Variants in XIRP2 observed in about 807,000 individuals in gnomAD.
XIRP2 encodes xin actin binding repeat containing 2.
Under a neutral mutation model 277.0 loss-of-function variants are expected in XIRP2, and 236 were observed. That is an observed-to-expected ratio of 0.85 (90% CI 0.77 to 0.95). The LOEUF (loss-of-function observed/expected upper bound fraction) is 0.95. Among genes scored for constraint, XIRP2 ranks in the 40% least tolerant of loss-of-function variants. XIRP2 has a pLI of 0.00. For missense variants in XIRP2, 4,640 were observed against 4,157.5 expected, an observed-to-expected ratio of 1.12 and a Z score of -3.19; for synonymous variants, 1,490 against 1,416.5, an observed-to-expected ratio of 1.05 and a Z score of -1.17.
intron 3 of XIRP2, among the ~76,000 whole-genome samples, chr2:167,136,448 A>C (rs1325592343): frequency 6.6e-6 from 1 of 152,272 alleles, no homozygotes; most frequent in Non-Finnish European, 1.5e-5. Context: ...TCAGTAGCAA[A>C]ATAAAAAAAT....
chr2:167,114,135 AG>A (rs1199029975), intron 2 of XIRP2, among the ~76,000 whole-genome samples: 1 of 152,142 alleles, frequency 6.6e-6, no homozygotes, highest in African/African-American at 2.4e-5. Flanking sequence ...AACATCTTGC[AG>A]GGGGTTTCTG....
At chr2:167,186,133 A>G (rs776114000) in intron 3 of XIRP2, among the ~76,000 whole-genome samples, 13 of 152,196 alleles carry the variant, frequency 8.5e-5, no homozygotes, top group Non-Finnish European at 1.6e-4. Flanking sequence ...TTGATCAATT[A>G]AAATTTAAAT....
intron 3 of XIRP2, among the ~76,000 whole-genome samples, chr2:167,174,845 A>G (rs1281512243): frequency 2.0e-5 from 3 of 152,196 alleles, no homozygotes; most frequent in Non-Finnish European, 4.4e-5. Flanking sequence ...TTATATACCC[A>G]GTAGTCATTC....
chr2:167,251,659 G>C lies in XIRP2; in HGVS notation c.10267G>C (p.Asp3423His). The change falls in exon 9 of 11, where the codon GAT becomes CAT. Residue 3423 changes from aspartate to histidine, a missense_variant. Coordinates refer to ENST00000409195, the MANE Select transcript of XIRP2 (RefSeq NM_152381.6). ...TCTAAGTGAACATTTCTCAGGCATG[G>C]ATGCATTTGAGAGTCAAATTGTTGA... ...RSLSEHFSGM[D>H]AFESQIVESK... 2 of 1,613,398 alleles carry C rather than the reference G, an allele frequency of 1.2e-6. No homozygotes were observed. Among genetic ancestry groups the C allele is most frequent in the Non-Finnish European group, 1.7e-6 (2 of 1,179,638 alleles).
chr2:167,174,750 T>G (rs1692789250), intron 3 of XIRP2, among the ~76,000 whole-genome samples: 1 of 152,212 alleles, frequency 6.6e-6, no homozygotes, highest in Non-Finnish European at 1.5e-5. Flanking sequence ...TAAACACTGT[T>G]TTATCTGTGT....
chr2:167,170,548 A>G (rs952559755), intron 3 of XIRP2, among the ~76,000 whole-genome samples: 2 of 152,234 alleles, frequency 1.3e-5, no homozygotes, highest in Non-Finnish European at 2.9e-5. Context: ...GTATCTTTTC[A>G]AAGAATTGAT....
intron 2 of XIRP2, among the ~76,000 whole-genome samples, chr2:167,022,486 A>ATG (rs963881224): frequency 6.6e-6 from 1 of 152,144 alleles, no homozygotes; most frequent in Non-Finnish European, 1.5e-5. Flanking sequence ...TTTAGGGTAC[A>ATG]TGTGCACAAC....
At chr2:166,930,772 T>C (rs1171761509) in intron 2 of XIRP2, among the ~76,000 whole-genome samples, 1 of 152,206 alleles carries the variant, frequency 6.6e-6, no homozygotes, top group Non-Finnish European at 1.5e-5. Flanking sequence ...CCTGCTATTT[T>C]CTCTTTTCTT....
At chr2:167,193,335 T>C (rs1178426315) in intron 3 of XIRP2, among the ~76,000 whole-genome samples, 1 of 152,202 alleles carries the variant, frequency 6.6e-6, no homozygotes, top group African/African-American at 2.4e-5. Context: ...TGTCCCTATG[T>C]TATGTTATTG....
intron 2 of XIRP2, among the ~76,000 whole-genome samples, chr2:167,023,622 T>A (rs1688052966): frequency 6.6e-6 from 1 of 152,208 alleles, no homozygotes. Context: ...CATCTTGAAT[T>A]AATTTTTGTA....
chr2:167,099,410 G>A (rs894801093), intron 2 of XIRP2, among the ~76,000 whole-genome samples: 8 of 152,154 alleles, frequency 5.3e-5, no homozygotes, highest in African/African-American at 1.7e-4. Flanking sequence ...TGCTGGCGGC[G>A]AGAATTTCAA....
chr2:167,231,039 T>G (rs2105417019), intron 5 of XIRP2, among the ~76,000 whole-genome samples: 1 of 152,238 alleles, frequency 6.6e-6, no homozygotes, highest in South Asian at 2.1e-4. Context: ...TTTTCAGTTT[T>G]CCTCATTTTC....
intron 10 of XIRP2, among the ~76,000 whole-genome samples, chr2:167,254,907 AT>A (rs111733963): frequency 0.19 from 27,153 of 143,634 alleles, 2,767 homozygotes; most frequent in African/African-American, 0.31. Context: ...GCTAAAATTG[AT>A]TTTTTTTTTT....
intron 3 of XIRP2, among the ~76,000 whole-genome samples, chr2:167,185,268 C>A (rs1410100183): frequency 1.3e-5 from 2 of 152,042 alleles, no homozygotes; most frequent in African/African-American, 4.8e-5. Flanking sequence ...TTAATTATTA[C>A]CAATTATTAT....
chr2:166,957,817 G>C (rs146413482), intron 2 of XIRP2, among the ~76,000 whole-genome samples: 1 of 151,860 alleles, frequency 6.6e-6, no homozygotes, highest in East Asian at 2.0e-4. Flanking sequence ...TGATTTTCAC[G>C]TTAATCATTG....
intron 2 of XIRP2, among the ~76,000 whole-genome samples, chr2:167,098,173 T>G (rs1690375305): frequency 6.6e-6 from 1 of 152,238 alleles, no homozygotes; most frequent in East Asian, 1.9e-4. Flanking sequence ...TCCCATCACT[T>G]TCAAGTACAC....
At chr2:167,016,705 C>T (rs955270072) in intron 2 of XIRP2, among the ~76,000 whole-genome samples, 8 of 151,952 alleles carry the variant, frequency 5.3e-5, no homozygotes, top group Admixed American at 5.3e-4. Context: ...AGGGAAGAAG[C>T]AGGAGCTGTA....
intron 2 of XIRP2, among the ~76,000 whole-genome samples, chr2:166,967,322 T>C (rs1189310672): frequency 6.6e-6 from 1 of 151,948 alleles, no homozygotes; most frequent in African/African-American, 2.4e-5. Context: ...CTTCTCCTTC[T>C]CAAGCTCCTT....
At chr2:167,129,869 CAAAAAAAAA>C (rs11335228) in intron 2 of XIRP2, among the ~76,000 whole-genome samples, 8 of 96,992 alleles carry the variant, frequency 8.2e-5, no homozygotes, top group Non-Finnish European at 2.0e-4. Context: ...AACTCAGTCT[CAAAAAAAAA>C]AAAAAAAGAA....
Sources: gnomAD v4.1 joint callset for allele counts (sites outside exome capture counted in the v4.1 genomes callset) on GRCh38, gnomAD v4.1.1 for gene constraint, MANE v1.5 for transcripts, NCBI Gene and HGNC (gene_info 2026-07-23, HGNC 2026-07-21) for gene names.